C1QL2: variants seen among roughly 807,000 people sequenced by gnomAD.
The protein encoded by C1QL2 is complement C1q-like protein 2.
In C1QL2, 13 loss-of-function variants were observed where a neutral mutation model predicts 16.6. That is an observed-to-expected ratio of 0.78 (90% confidence interval 0.51 to 1.25). C1QL2 has a LOEUF of 1.25. C1QL2 is among the 50% of genes most tolerant of loss of function. C1QL2 has a pLI of 0.00. For synonymous variants in C1QL2, 210 were observed against 183.2 expected, an observed-to-expected ratio of 1.15 and a Z score of -1.18; for missense variants, 396 against 409.6, an observed-to-expected ratio of 0.97 and a Z score of 0.29.
In C1QL2 at chr2:119,157,896, G is replaced by C. The variant is rs748574253; in HGVS notation, c.374C>G (p.Thr125Arg). The C allele has an allele frequency of 5.1e-6, 8 of 1,566,132 alleles. No homozygotes were observed. Among genetic ancestry groups the C allele is most frequent in the Non-Finnish European group, 6.9e-6 (8 of 1,156,418 alleles). ...GCCCACCACCCCGACGCCGCTGGCCGTGCCCGCCGTCAGTTGCAGCCCTGG... is the reference window on the plus strand; with the variant it reads ...GCCCACCACCCCGACGCCGCTGGCCCTGCCCGCCGTCAGTTGCAGCCCTGG... The part of the protein sequence containing the change: ...GLPGLQLTAG[T>R]ASGVGVVGGG... The change falls in exon 1 of 2, where the codon ACG (threonine) becomes AGG (arginine). Residue 125 changes from threonine (T) to arginine (R), a missense_variant. This residue lies in a region of C1QL2 where 353 missense variants were observed against 334.8 expected (regional missense o/e 1.05). Coordinates refer to ENST00000272520, the MANE Select transcript of C1QL2 (RefSeq NM_182528.4).
rs1258152492 is a variant in C1QL2, at chr2:119,158,245, C to CGGCGAT, written c.19_24dup (p.Ile7_Ala8dup). ...GGCGCCGCCTGCAGCAGCAGCGGCACGGCGATGAGCAGCCCGAGCGCCATG... is the reference window on the plus strand; with the variant it reads ...GGCGCCGCCTGCAGCAGCAGCGGCACGGCGATGGCGATGAGCAGCCCGAGCGCCATG... On this transcript the variant is annotated inframe_insertion, in exon 1 of 2. Transcript: ENST00000272520. 2 of 1,565,508 alleles carry CGGCGAT rather than the reference C, an allele frequency of 1.3e-6. No individual in the cohort carries two copies. The highest frequency in any genetic ancestry group is 3.7e-5 in the Admixed American group (2 of 53,882).
chr2:119,156,960 G>A lies in C1QL2; in HGVS notation c.706C>T (p.Gln236Ter). The A allele has an allele frequency of 6.2e-7, 1 of 1,613,984 alleles. No individual in the cohort carries two copies. Among genetic ancestry groups the A allele is most frequent in the Non-Finnish European group, 8.5e-7 (1 of 1,179,932 alleles). Residue 236 changes from glutamine to a stop codon, truncating the protein, a stop_gained, in exon 2 of 2, where the codon CAG (glutamine) becomes TAG (stop). Transcript: ENST00000272520. LOFTEE classifies it high-confidence loss of function. ...NGQVRASAIA[Q>*]DADQNYDYAS... is the part of the protein sequence containing the mutation. Reference sequence around the variant, plus strand: ...TAGTCGTAGTTCTGGTCGGCGTCCTGTGCAATGGCGCTGGCCCGGACCTGG... The same window carrying A: ...TAGTCGTAGTTCTGGTCGGCGTCCTATGCAATGGCGCTGGCCCGGACCTGG...
In C1QL2 at chr2:119,156,592, G is replaced by C. The variant is rs1677965487; in HGVS notation, c.*210C>G. 5.2e-6 allele frequency: 3 copies of C among 580,528 alleles called. No individual in the cohort carries two copies. Among genetic ancestry groups the C allele is most frequent in the African/African-American group, 1.9e-5 (1 of 52,922 alleles). The allele number at this position is 580,528 out of a possible 1,614,324, so 36.0% of individuals were successfully genotyped here. A position where few individuals can be genotyped will look rare whatever the true frequency, so the allele number is the denominator to read the frequency against. On this transcript the variant is annotated 3_prime_UTR_variant, in exon 2 of 2. Coordinates refer to ENST00000272520, the MANE Select transcript of C1QL2 (RefSeq NM_182528.4). ...CGGGCGTCCCTTCCTCCCTTGCCGG[G>C]ATGGGGATGGAGACCAGGAGCACAG...
rs770629944 is a variant in C1QL2, at chr2:119,158,207, C to T, written c.63G>A (p.Ala21=). 18 of 1,574,782 alleles carry T rather than the reference C, an allele frequency of 1.1e-5. No homozygotes were observed. The South Asian group carries it at 1.8e-4, about 16-fold the overall frequency. ...GGCAGGTGCCCATCATCTCATAGTGCGCGGCGCCTCGGGGCGCCGCCTGCA... is the reference window on the plus strand; with the variant it reads ...GGCAGGTGCCCATCATCTCATAGTGTGCGGCGCCTCGGGGCGCCGCCTGCA... ...LLLQAAPRGA[A]HYEMMGTCRM... Residue 21 remains alanine, a synonymous_variant, in exon 1 of 2, where the codon GCG becomes GCA. Transcript: ENST00000272520.
chr2:119,157,368 T>C (rs944940022), intron 1 of C1QL2, among the ~76,000 whole-genome samples: 2 of 151,922 alleles, frequency 1.3e-5, no homozygotes, highest in Admixed American at 1.3e-4. Context: ...AGTTTAGGTA[T>C]GGGGGTCTCT....
chr2:119,158,146 C>G lies in C1QL2; in HGVS notation c.124G>C (p.Gly42Arg), dbSNP rs764589165. 6 of 1,563,666 alleles carry G rather than the reference C, an allele frequency of 3.8e-6. No homozygotes were observed. The highest frequency in any genetic ancestry group is 5.2e-6 in the Non-Finnish European group (6 of 1,157,576). ...TGCGCCTTTGCACCCGGGGGCTCCC[C>G]GCCGGGCGCGGCAGTGTAAGGGTCG... ...ICDPYTAAPG[G>R]EPPGAKAQPP... The change falls in exon 1 of 2, where the codon GGG becomes CGG. Residue 42 changes from glycine to arginine, a missense_variant. Gly to Arg is a moderately radical substitution (Grantham distance 125). Coordinates refer to ENST00000272520, the MANE Select transcript of C1QL2 (RefSeq NM_182528.4).
At position 119,157,638 on chromosome 2, in the gene C1QL2, A is replaced by T; in HGVS notation, c.632T>A (p.Met211Lys). The change falls in exon 1 of 2, where the codon ATG (methionine) becomes AAG (lysine). Residue 211 changes from methionine (M) to lysine (K), a missense_variant. Physicochemically the swap from Met to Lys is moderately conservative, Grantham distance 95. Around this residue, in one of 2 missense-constraint regions of C1QL2, gnomAD observed 353 missense variants for 334.8 expected, o/e 1.05. Transcript: ENST00000272520. ...CATGCTGGTGCCGTCGCCGCCGCGCATGAGGATGTGGTAGGTGAAGAAGTA... is the reference window on the plus strand; with the variant it reads ...CATGCTGGTGCCGTCGCCGCCGCGCTTGAGGATGTGGTAGGTGAAGAAGTA... ...GIYFFTYHIL[M>K]RGGDGTSMWA... 1 of 1,614,016 alleles carries T rather than the reference A, an allele frequency of 6.2e-7. No homozygotes were observed. Among genetic ancestry groups the T allele is most frequent in the Non-Finnish European group, 8.5e-7 (1 of 1,179,978 alleles).
In C1QL2 at chr2:119,156,648, A is replaced by T; in HGVS notation, c.*154T>A. ...AGCGTGGTGGGTCGCAGACGCACTG[A>T]GGCCAGGAGCGGGGCAGGGAGGACG... On this transcript the variant is annotated 3_prime_UTR_variant, in exon 2 of 2. Transcript: ENST00000272520. 1.1e-6 allele frequency: 1 copy of T among 892,698 alleles called. No individual in the cohort carries two copies. Among genetic ancestry groups the T allele is most frequent in the Non-Finnish European group, 1.6e-6 (1 of 607,036 alleles). The allele number at this position is 892,698 out of a possible 1,614,324, so 55.3% of individuals were successfully genotyped here.
intron 1 of C1QL2, 104 bp from the exon 2 acceptor site, chr2:119,157,085 A>T: frequency 7.5e-7 from 1 of 1,341,018 alleles, no homozygotes; most frequent in Non-Finnish European, 1.0e-6. Context: ...CTGCTGCTTC[A>T]GGGTCCACAC....
In C1QL2 at chr2:119,158,159, A is replaced by G; in HGVS notation, c.111T>C (p.Thr37=). The G allele has an allele frequency of 6.4e-7, 1 of 1,572,992 alleles. No individual in the cohort carries two copies. The highest frequency in any genetic ancestry group is 1.8e-5 in the Admixed American group (1 of 54,978). ...CCGGGGGCTCCCCGCCGGGCGCGGC[A>G]GTGTAAGGGTCGCAGATCATGCGGC... is the stretch of plus-strand genomic sequence containing the variant. The part of the protein sequence containing the change: ...GTCRMICDPY[T]AAPGGEPPGA... The change falls in exon 1 of 2, where the codon ACT becomes ACC. Residue 37 remains threonine (T), a synonymous_variant. Transcript: ENST00000272520.
At position 119,156,841 on chromosome 2, in the gene C1QL2, CTTG is replaced by C; in HGVS notation, c.822_824del (p.Asn274del). The C allele has an allele frequency of 6.2e-7, 1 of 1,613,938 alleles. No homozygotes were observed. Among genetic ancestry groups the C allele is most frequent in the East Asian group, 2.2e-5 (1 of 44,880 alleles). ...GAAGAAAGCCCGAGAACGTGCTGTACTTGTTATTATTGCCTCCGTGAGCCTTCC... is the reference window on the plus strand; with the variant it reads ...GAAGAAAGCCCGAGAACGTGCTGTACTTATTATTGCCTCCGTGAGCCTTCC... On this transcript the variant is annotated inframe_deletion, in exon 2 of 2. Coordinates refer to ENST00000272520, the MANE Select transcript of C1QL2 (RefSeq NM_182528.4).
At position 119,158,456 on chromosome 2, in the gene C1QL2, C is replaced by T; in HGVS notation, c.-187G>A. ...GCCGCGCCCCCGACGTGGCGACCCC[C>T]AGCCCCGGCTACCCAACTACTTCAG... is the stretch of plus-strand genomic sequence containing the variant. On this transcript the variant is annotated 5_prime_UTR_variant, in exon 1 of 2. Transcript: ENST00000272520. The T allele has an allele frequency of 2.8e-6, 1 of 360,766 alleles. No homozygotes were observed. Among genetic ancestry groups the T allele is most frequent in the Non-Finnish European group, 4.7e-6 (1 of 212,374 alleles). 22.3% of individuals were successfully genotyped at this position (360,766 alleles called of 1,614,324 possible).
In C1QL2 at chr2:119,158,062, G is replaced by C; in HGVS notation, c.208C>G (p.Pro70Ala). Residue 70 changes from proline to alanine, a missense_variant, in exon 1 of 2, where the codon CCT (proline) becomes GCT (alanine). Coordinates refer to ENST00000272520, the MANE Select transcript of C1QL2 (RefSeq NM_182528.4). The stretch of plus-strand genomic sequence containing the variant: ...TTGGGTCCCTGGATGAAAGGAGGAG[G>C]AGGGTTGGCGCTGAGGTCCTGCATG... ...EVMQDLSANP[P>A]PPFIQGPKGD... The C allele has an allele frequency of 6.5e-7, 1 of 1,531,610 alleles. No individual in the cohort carries two copies. Among genetic ancestry groups the C allele is most frequent in the South Asian group, 1.2e-5 (1 of 82,612 alleles). The allele number at this position is 1,531,610 out of a possible 1,614,324, so 94.9% of individuals were successfully genotyped here.
chr2:119,157,727 G>A lies in C1QL2; in HGVS notation c.543C>T (p.Val181=). The A allele has an allele frequency of 1.2e-6, 2 of 1,614,116 alleles. No homozygotes were observed. The highest frequency in any genetic ancestry group is 1.7e-6 in the Non-Finnish European group (2 of 1,179,982). ...GYEVLKFDDV[V]TNLGNHYDPT... ...GGTCATAGTGATTGCCGAGGTTGGTGACCACGTCATCGAACTTCAGCACCT... is the reference window on the plus strand; with the variant it reads ...GGTCATAGTGATTGCCGAGGTTGGTAACCACGTCATCGAACTTCAGCACCT... The change falls in exon 1 of 2, where the codon GTC becomes GTT. Residue 181 remains valine, a synonymous_variant. Transcript: ENST00000272520.
rs945867204 is a variant in C1QL2, at chr2:119,158,534, G to A, written c.-265C>T. ...GGCCCACCGCGCTGGGGCTGGTCGG[G>A]AGAGCCGCGGACGCCCGCGCGCATG... On this transcript the variant is annotated 5_prime_UTR_variant, in exon 1 of 2. Transcript: ENST00000272520. 6.4e-5 allele frequency: 16 copies of A among 248,292 alleles called. No homozygotes were observed. The highest frequency in any genetic ancestry group is 6.1e-4 in the Admixed American group (11 of 17,958). The allele number at this position is 248,292 out of a possible 1,614,324, so 15.4% of individuals were successfully genotyped here. A position where few individuals can be genotyped will look rare whatever the true frequency, so the allele number is the denominator to read the frequency against.
At chr2:119,157,064 G>A (rs1283142096) in intron 1 of C1QL2, 83 bp from the exon 2 acceptor site, 4 of 1,499,504 alleles carry the variant, frequency 2.7e-6, no homozygotes, top group African/African-American at 1.4e-5. Flanking sequence ...CGCCACTCAC[G>A]GGCCTCCCGC....
intron 1 of C1QL2, among the ~76,000 whole-genome samples, 199 bp from the exon 2 acceptor site, chr2:119,157,180 A>G (rs552578250): frequency 6.6e-6 from 1 of 152,250 alleles, no homozygotes; most frequent in South Asian, 2.1e-4. Flanking sequence ...AGTCTGGGAA[A>G]TAGGGAGAGG....
chr2:119,158,140 G>A lies in C1QL2; in HGVS notation c.130C>T (p.Pro44Ser), dbSNP rs752981656. 1.3e-6 allele frequency: 2 copies of A among 1,558,798 alleles called. No homozygotes were observed. The highest frequency in any genetic ancestry group is 1.7e-6 in the Non-Finnish European group (2 of 1,154,746). The stretch of plus-strand genomic sequence containing the variant: ...GGTGGCTGCGCCTTTGCACCCGGGG[G>A]CTCCCCGCCGGGCGCGGCAGTGTAA... ...DPYTAAPGGE[P>S]PGAKAQPPGP... The change falls in exon 1 of 2, where the codon CCC becomes TCC. Residue 44 changes from proline (P) to serine (S), a missense_variant. Coordinates refer to ENST00000272520, the MANE Select transcript of C1QL2 (RefSeq NM_182528.4).
Position 119,157,012 on chromosome 2 carries a change from G to A in C1QL2, c.685-31C>T, listed in dbSNP as rs1677972449. The A allele has an allele frequency of 2.5e-6, 4 of 1,608,144 alleles. No individual in the cohort carries two copies. In the African/African-American group the frequency reaches 5.3e-5, roughly 21 times the overall value. On this transcript the variant is annotated intron_variant, in intron 1 of 1. Transcript: ENST00000272520. ...GACAAGCGGTGGGAGCAGGTGAGCCGGGGCACCTCTTCCCGCGCCTTTGCT... is the reference window on the plus strand; with the variant it reads ...GACAAGCGGTGGGAGCAGGTGAGCCAGGGCACCTCTTCCCGCGCCTTTGCT...
Sources: gnomAD v4.1 joint callset for allele counts (sites outside exome capture counted in the v4.1 genomes callset) on GRCh38, gnomAD v4.1.1 for gene constraint, gnomAD v4.1.1 regional missense constraint, MANE v1.5 for transcripts, NCBI Gene and HGNC (gene_info 2026-07-23, HGNC 2026-07-21) for gene names.